The following SCAND3 variants were observed in gnomAD, a reference collection of about 807,000 sequenced individuals.
The protein encoded by SCAND3 is SCAN domain-containing protein 3.
chr6:28,594,796 A>C, the SCAND3 span, among the ~76,000 whole-genome samples: 31 of 152,310 alleles, frequency 2.0e-4, no homozygotes, highest in Admixed American at 2.0e-3. Flanking sequence ...AAAATACTTC[A>C]TGATCTCACT....
the SCAND3 span, among the ~76,000 whole-genome samples, chr6:28,597,245 T>C: frequency 8.5e-5 from 13 of 152,238 alleles, no homozygotes; most frequent in Non-Finnish European, 1.8e-4. Flanking sequence ...AGTAATTTAC[T>C]TGGTTTCTTG....
the SCAND3 span, chr6:28,573,272 T>C: frequency 3.1e-6 from 5 of 1,613,978 alleles, no homozygotes; most frequent in Non-Finnish European, 4.2e-6. Flanking sequence ...CGAGCTATGG[T>C]GTCATTGGAA....
chr6:28,597,464 T>G, the SCAND3 span, among the ~76,000 whole-genome samples: 2 of 152,030 alleles, frequency 1.3e-5, no homozygotes, highest in Non-Finnish European at 2.9e-5. Context: ...TCCGCACAGT[T>G]AGTCCTGTAA....
chr6:28,614,102 T>C, the SCAND3 span, among the ~76,000 whole-genome samples: 1 of 151,978 alleles, frequency 6.6e-6, no homozygotes, highest in Non-Finnish European at 1.5e-5. Flanking sequence ...AAGCTGGGAA[T>C]ACAGGCATGT....
At chr6:28,587,008 T>C in the SCAND3 span, 3 of 401,368 alleles carry the variant, frequency 7.5e-6, no homozygotes, top group Non-Finnish European at 4.4e-6. Context: ...GGCAAGATAC[T>C]TGCGAGACAG....
the SCAND3 span, among the ~76,000 whole-genome samples, chr6:28,611,752 T>A: frequency 1.8e-4 from 27 of 152,374 alleles, 1 homozygote; most frequent in African/African-American, 6.3e-4. Context: ...TACTTTAGTA[T>A]CTACTTTTAA....
At chr6:28,574,272 T>C in the SCAND3 span, among the ~76,000 whole-genome samples, 2 of 152,194 alleles carry the variant, frequency 1.3e-5, no homozygotes, top group East Asian at 3.8e-4. Flanking sequence ...GCTCTACTGA[T>C]CACATGTTGC....
the SCAND3 span, among the ~76,000 whole-genome samples, chr6:28,585,800 A>T: frequency 1.3e-5 from 2 of 152,238 alleles, no homozygotes; most frequent in Non-Finnish European, 2.9e-5. Flanking sequence ...AAAAGCTTTT[A>T]AAATTCTTCT....
At chr6:28,593,173 A>C in the SCAND3 span, among the ~76,000 whole-genome samples, 1 of 152,222 alleles carries the variant, frequency 6.6e-6, no homozygotes, top group East Asian at 1.9e-4. Context: ...TAAAGGGTTA[A>C]TATGCACAAT....
the SCAND3 span, among the ~76,000 whole-genome samples, chr6:28,576,706 G>A: frequency 6.6e-6 from 1 of 151,920 alleles, no homozygotes; most frequent in Non-Finnish European, 1.5e-5. Flanking sequence ...CAGGATTGAA[G>A]CACTGTTTTA....
At chr6:28,577,245 GA>G in the SCAND3 span, among the ~76,000 whole-genome samples, 8 of 151,770 alleles carry the variant, frequency 5.3e-5, no homozygotes, top group African/African-American at 1.7e-4. Flanking sequence ...AAGTGTTAAG[GA>G]AAAAAACTAT....
the SCAND3 span, among the ~76,000 whole-genome samples, chr6:28,611,364 T>G: frequency 2.0e-5 from 3 of 152,196 alleles, no homozygotes; most frequent in African/African-American, 7.2e-5. Context: ...ACTTTCCTCT[T>G]TTCCCTCTTC....
At chr6:28,572,785 T>C in the SCAND3 span, 3 of 1,613,414 alleles carry the variant, frequency 1.9e-6, no homozygotes, top group East Asian at 4.5e-5. This position sits in a 1 kb window ranked among gnomAD's most constrained non-coding sequence, Gnocchi z 4.1. Flanking sequence ...TAATCTTGAA[T>C]TCAATGAATT....
the SCAND3 span, chr6:28,572,981 A>C: frequency 6.2e-7 from 1 of 1,613,910 alleles, no homozygotes; most frequent in South Asian, 1.1e-5. The surrounding 1 kb of genome is among the most constrained non-coding windows in gnomAD (Gnocchi z 4.1). Context: ...GCACCATCAG[A>C]ACATACTCCT....
the SCAND3 span, among the ~76,000 whole-genome samples, chr6:28,577,884 G>A: frequency 2.6e-5 from 4 of 152,148 alleles, no homozygotes; most frequent in African/African-American, 9.7e-5. Context: ...TCTCTGAGAT[G>A]TCCATCCTAC....
the SCAND3 span, chr6:28,573,606 A>T: frequency 1.2e-6 from 2 of 1,613,292 alleles, no homozygotes; most frequent in Non-Finnish European, 1.7e-6. Flanking sequence ...CATCTCCACA[A>T]ATAATACACT....
At chr6:28,593,009 G>T in the SCAND3 span, among the ~76,000 whole-genome samples, 1 of 122,238 alleles carries the variant, frequency 8.2e-6, no homozygotes, top group Non-Finnish European at 1.6e-5. Context: ...TCTGGGCAAT[G>T]ATTTTTTTTT....
the SCAND3 span, chr6:28,593,568 A>T: frequency 6.6e-6 from 1 of 152,416 alleles, no homozygotes; most frequent in East Asian, 1.9e-4. Flanking sequence ...CCAGCTACTC[A>T]GGAGGCTGAG....
At chr6:28,585,018 GCTCCATTTC>G in the SCAND3 span, among the ~76,000 whole-genome samples, 1 of 152,174 alleles carries the variant, frequency 6.6e-6, no homozygotes, top group Admixed American at 6.6e-5. Flanking sequence ...CTTAACAAAT[GCTCCATTTC>G]CTCCATTTCC....
Sources: allele counts gnomAD v4.1 joint callset (sites outside exome capture counted in the v4.1 genomes callset), GRCh38; gene constraint gnomAD v4.1.1; non-coding constraint Gnocchi (gnomAD v3.1); transcripts MANE v1.5; gene names NCBI Gene and HGNC (gene_info 2026-07-23, HGNC 2026-07-21).